The following EFCAB11 variants were observed in gnomAD, a reference collection of about 807,000 sequenced individuals.
EFCAB11 encodes the protein EF-hand calcium binding domain 11.
A neutral mutation model predicts 23.0 loss-of-function variants in EFCAB11; 14 were observed. That is an observed-to-expected ratio of 0.61 (90% CI 0.40 to 0.95). The LOEUF (loss-of-function observed/expected upper bound fraction) is 0.95, where lower values mean the gene tolerates loss of function less well. Among genes scored for constraint, EFCAB11 ranks in the 40% least tolerant of loss-of-function variants. The pLI is 0.00. For missense variants in EFCAB11, 198 were observed against 195.8 expected, an observed-to-expected ratio of 1.01 and a Z score of -0.07; for synonymous variants, 65 against 66.6, an observed-to-expected ratio of 0.98 and a Z score of 0.11.
At chr14:89,839,120 G>C (rs1370759530) in intron 5 of EFCAB11, among the ~76,000 whole-genome samples, 1 of 152,162 alleles carries the variant, frequency 6.6e-6, no homozygotes, top group Non-Finnish European at 1.5e-5. Context: ...AACAGAGTGG[G>C]AAACAATGGA....
chr14:89,932,567 C>T lies in EFCAB11; in HGVS notation c.278G>A (p.Arg93Gln), dbSNP rs371381430. 91 of 1,613,636 alleles carry T rather than the reference C, an allele frequency of 5.6e-5. No homozygotes were observed. The highest frequency in any genetic ancestry group is 7.5e-5 in the Non-Finnish European group (88 of 1,179,880). The change falls in exon 4 of 6, where the codon CGG (arginine) becomes CAG (glutamine). Residue 93 changes from arginine (R) to glutamine (Q), a missense_variant. Coordinates refer to ENST00000316738, the MANE Select transcript of EFCAB11 (RefSeq NM_145231.4). Reference protein sequence around the residue: ...VRKKKEAQRYRNEVRHIFTAF... With the variant: ...VRKKKEAQRYQNEVRHIFTAF... ...TGTGAAGATGTGTCTTACTTCGTTC[C>T]GATATCGTTGAGCTTCCTTCTTTTT...
chr14:89,799,517 G>A (rs983694800), intron 5 of EFCAB11: 2 of 152,210 alleles, frequency 1.3e-5, no homozygotes, highest in African/African-American at 4.8e-5. Flanking sequence ...CTGAGGAGAG[G>A]AAGGAAATGT....
chr14:89,941,449 T>C (rs1278263684), intron 3 of EFCAB11, among the ~76,000 whole-genome samples: 1 of 152,182 alleles, frequency 6.6e-6, no homozygotes, highest in Non-Finnish European at 1.5e-5. Context: ...GCTCATCAAT[T>C]GGTTAAGAGG....
At chr14:89,903,869 G>A (rs763077660) in intron 5 of EFCAB11, among the ~76,000 whole-genome samples, 8 of 151,996 alleles carry the variant, frequency 5.3e-5, no homozygotes, top group South Asian at 2.1e-4. Flanking sequence ...AAACTCAGGC[G>A]CTAATGTGGC....
chr14:89,891,686 AACAC>A (rs148132532), intron 5 of EFCAB11, among the ~76,000 whole-genome samples: 1 of 150,410 alleles, frequency 6.6e-6, no homozygotes. Flanking sequence ...TTTAGACACA[AACAC>A]ACACACACAC....
intron 5 of EFCAB11, among the ~76,000 whole-genome samples, chr14:89,817,408 C>G (rs1396335560): frequency 6.6e-6 from 1 of 152,078 alleles, no homozygotes; most frequent in Non-Finnish European, 1.5e-5. Flanking sequence ...GTAGTCCTAG[C>G]TATTCAGAAG....
intron 5 of EFCAB11, among the ~76,000 whole-genome samples, chr14:89,801,041 G>GA (rs1197084827): frequency 6.2e-4 from 36 of 58,508 alleles, no homozygotes; most frequent in East Asian, 3.6e-3. Flanking sequence ...CCTCAAAAAA[G>GA]AAAAAAAAAA....
In EFCAB11 at chr14:89,937,240, ATTC is replaced by A. The variant is rs202199681; in HGVS notation, c.218-4616_218-4614del. 5.5e-3 allele frequency among the ~76,000 whole-genome samples: 834 copies of A among 152,300 alleles called. 8 individuals are homozygous for A. Among genetic ancestry groups the A allele is most frequent in the African/African-American group, 0.019 (779 of 41,548 alleles). Reference sequence around the variant, plus strand: ...ATTTCTTTTTTCAGCTGTAGGAAAGATTCTTCTTTATATGAAAATGGAAAGCCT... The same window carrying A: ...ATTTCTTTTTTCAGCTGTAGGAAAGATTCTTTATATGAAAATGGAAAGCCT... On this transcript the variant is annotated intron_variant, in intron 3 of 5. Transcript: ENST00000316738.
chr14:89,836,031 C>T (rs951487691), intron 5 of EFCAB11, among the ~76,000 whole-genome samples: 1 of 152,022 alleles, frequency 6.6e-6, no homozygotes, highest in African/African-American at 2.4e-5. Context: ...GCAGGAGTGA[C>T]GGATAAACAA....
Position 89,933,464 on chromosome 14 carries a change from T to C in EFCAB11, c.218-837A>G, listed in dbSNP as rs192928149. ...CAAACATACAATAACCACATGCACA[T>C]TTTTTCTTTTAGTGATGTAATACTA... On this transcript the variant is annotated intron_variant, in intron 3 of 5. Transcript: ENST00000316738. Among the ~76,000 whole-genome samples, 16 of 152,352 alleles carry C rather than the reference T, an allele frequency of 1.1e-4. No homozygotes were observed. In the East Asian group the frequency reaches 2.3e-3, roughly 22 times the overall value.
At chr14:89,938,197 A>G (rs943751775) in intron 3 of EFCAB11, 7 of 152,196 alleles carry the variant, frequency 4.6e-5, no homozygotes, top group African/African-American at 1.4e-4. Context: ...AAACAATAAA[A>G]ATCGCAAGTT....
At chr14:89,870,767 TAAAAA>T (rs56920547) in intron 5 of EFCAB11, among the ~76,000 whole-genome samples, 2 of 102,970 alleles carry the variant, frequency 1.9e-5, no homozygotes, top group Admixed American at 1.0e-4. Context: ...TCATCTCTAC[TAAAAA>T]AAAAAAAAAA....
At chr14:89,886,057 T>C (rs1888762199) in intron 5 of EFCAB11, among the ~76,000 whole-genome samples, 1 of 152,046 alleles carries the variant, frequency 6.6e-6, no homozygotes, top group Non-Finnish European at 1.5e-5. Flanking sequence ...GGCACAAAGA[T>C]AGACAAACAG....
At chr14:89,947,738 T>G (rs1419490518) in intron 3 of EFCAB11, among the ~76,000 whole-genome samples, 1 of 152,148 alleles carries the variant, frequency 6.6e-6, no homozygotes, top group Non-Finnish European at 1.5e-5. Context: ...TTGCCATTTC[T>G]TCATCTTCCA....
intron 5 of EFCAB11, among the ~76,000 whole-genome samples, chr14:89,919,351 A>C (rs1251421517): frequency 5.9e-5 from 9 of 152,220 alleles, no homozygotes; most frequent in Non-Finnish European, 1.3e-4. Flanking sequence ...AGCCCACTTA[A>C]CAGTGCAGGC....
chr14:89,857,806 G>T (rs1408653828), intron 5 of EFCAB11, among the ~76,000 whole-genome samples: 3 of 152,120 alleles, frequency 2.0e-5, no homozygotes, highest in African/African-American at 7.2e-5. Context: ...GGTGTGCAGA[G>T]AAAATGATAT....
At chr14:89,952,291 C>T (rs967431607) in intron 2 of EFCAB11, 5 of 532,426 alleles carry the variant, frequency 9.4e-6, no homozygotes, top group African/African-American at 8.3e-5. Flanking sequence ...AGTGTATGTA[C>T]AGTATGTTAC....
intron 5 of EFCAB11, among the ~76,000 whole-genome samples, chr14:89,817,414 A>C (rs1886369443): frequency 6.6e-6 from 1 of 152,174 alleles, no homozygotes; most frequent in African/African-American, 2.4e-5. Flanking sequence ...CTAGCTATTC[A>C]GAAGGCTGAG....
rs1452036922 is a variant in EFCAB11, at chr14:89,924,626, T to TAA, written c.410+6913_410+6914dup. The stretch of plus-strand genomic sequence containing the variant: ...GGCAGGCAAAGTCAAGAAAGAACTT[T>TAA]AAGTCAGCTTCCTGATGACAGCCGA... On this transcript the variant is annotated intron_variant, in intron 5 of 5. Transcript: ENST00000316738. The TAA allele has an allele frequency of 5.2e-6, 8 of 1,535,344 alleles. No homozygotes were observed. The African/African-American group carries it at 5.5e-5, about 11-fold the overall frequency.
Sources: gnomAD v4.1 joint callset for allele counts (sites outside exome capture counted in the v4.1 genomes callset) on GRCh38, gnomAD v4.1.1 for gene constraint, MANE v1.5 for transcripts, NCBI Gene and HGNC (gene_info 2026-07-23, HGNC 2026-07-21) for gene names.